The following SYN3 variants were observed in gnomAD, a reference collection of about 807,000 sequenced individuals.
SYN3 encodes the protein synapsin-3.
A neutral mutation model predicts 65.8 loss-of-function variants in SYN3; 35 were observed. That is an observed-to-expected ratio of 0.53 (90% CI 0.41 to 0.70). The LOEUF is 0.70. Ranked by LOEUF, SYN3 falls within the 30% of genes least tolerant of loss-of-function variation. The pLI, the probability that SYN3 is intolerant of heterozygous loss-of-function variation, is 0.00. For synonymous variants in SYN3, 270 were observed against 292.9 expected, an observed-to-expected ratio of 0.92 and a Z score of 0.80; for missense variants, 680 against 749.0, an observed-to-expected ratio of 0.91 and a Z score of 1.08.
At chr22:32,524,055 AAAG>A (rs1466385743) in intron 12 of SYN3, among the ~76,000 whole-genome samples, 4 of 152,258 alleles carry the variant, frequency 2.6e-5, no homozygotes, top group African/African-American at 9.6e-5. Context: ...TGAGAAAGCT[AAAG>A]AAGAAAAGTT....
intron 6 of SYN3, among the ~76,000 whole-genome samples, chr22:32,680,964 A>G (rs1168465804): frequency 6.6e-6 from 1 of 152,196 alleles, no homozygotes; most frequent in Non-Finnish European, 1.5e-5. Context: ...CCTTCTCCAC[A>G]TATCTTCACT....
At chr22:32,969,881 A>T (rs2051965387) in intron 3 of SYN3, among the ~76,000 whole-genome samples, 2 of 152,240 alleles carry the variant, frequency 1.3e-5, no homozygotes, top group African/African-American at 4.8e-5. Flanking sequence ...ACAGGTGCCA[A>T]CTGAATGTTG....
At chr22:32,679,197 C>T (rs1390155761) in intron 6 of SYN3, among the ~76,000 whole-genome samples, 1 of 151,840 alleles carries the variant, frequency 6.6e-6, no homozygotes, top group Admixed American at 6.6e-5. Context: ...GGACTACAGG[C>T]ACCCACAACC....
intron 3 of SYN3, among the ~76,000 whole-genome samples, chr22:32,932,596 G>A (rs1194928890): frequency 6.6e-6 from 1 of 152,156 alleles, no homozygotes; most frequent in Non-Finnish European, 1.5e-5. Flanking sequence ...ATGTTTATGT[G>A]CCAGCTACAG....
intron 6 of SYN3, among the ~76,000 whole-genome samples, chr22:32,646,677 GA>G (rs900896643): frequency 2.0e-5 from 3 of 152,208 alleles, no homozygotes; most frequent in African/African-American, 7.2e-5. Context: ...TGCAAACTAT[GA>G]GTAAGGGTTT....
At chr22:32,542,953 C>T (rs1291355179) in intron 7 of SYN3, among the ~76,000 whole-genome samples, 1 of 152,262 alleles carries the variant, frequency 6.6e-6, no homozygotes, top group East Asian at 1.9e-4. Flanking sequence ...TTCCCTGTCA[C>T]CCTCACCCCG....
chr22:32,931,342 C>T, intron 4 of SYN3, 48 bp downstream of exon 4: 1 of 1,286,346 alleles, frequency 7.8e-7, no homozygotes, highest in Non-Finnish European at 1.1e-6. Flanking sequence ...ACATGAGGTT[C>T]CACGTATGCA....
At chr22:32,921,815 G>T (rs555562048) in intron 4 of SYN3, among the ~76,000 whole-genome samples, 105 of 152,240 alleles carry the variant, frequency 6.9e-4, no homozygotes, top group Admixed American at 2.0e-3. Flanking sequence ...CTATGAGGAG[G>T]TATTGTTATT....
chr22:32,935,323 C>T (rs1429420555), intron 3 of SYN3, among the ~76,000 whole-genome samples: 1 of 148,436 alleles, frequency 6.7e-6, no homozygotes, highest in African/African-American at 2.4e-5. Flanking sequence ...CACACACACA[C>T]AAAATAACAA....
At chr22:32,648,813 T>A (rs1169256732) in intron 6 of SYN3, among the ~76,000 whole-genome samples, 1 of 152,162 alleles carries the variant, frequency 6.6e-6, no homozygotes, top group Admixed American at 6.5e-5. Flanking sequence ...CAATTATGAT[T>A]TTTGTTGTTG....
At chr22:32,540,890 C>T (rs1190453750) in intron 8 of SYN3, among the ~76,000 whole-genome samples, 1 of 152,172 alleles carries the variant, frequency 6.6e-6, no homozygotes, top group East Asian at 1.9e-4. Flanking sequence ...ATTCATTTAC[C>T]AGTAGGGATG....
chr22:32,916,128 T>C (rs760712930), intron 4 of SYN3, among the ~76,000 whole-genome samples: 20 of 152,160 alleles, frequency 1.3e-4, no homozygotes, highest in Admixed American at 2.0e-4. Flanking sequence ...GGAAGCTCAA[T>C]AGCCACGTGA....
intron 7 of SYN3, among the ~76,000 whole-genome samples, chr22:32,563,965 G>A (rs1457155547): frequency 2.6e-5 from 4 of 152,138 alleles, no homozygotes; most frequent in Non-Finnish European, 5.9e-5. Flanking sequence ...CACTGCGCCC[G>A]GCCCCTGTTG....
chr22:32,979,427 T>C (rs536688069), intron 3 of SYN3, among the ~76,000 whole-genome samples: 17 of 152,300 alleles, frequency 1.1e-4, no homozygotes, highest in African/African-American at 3.6e-4. Context: ...CAGAATCAAA[T>C]TGAAATTCAA....
rs201684492 is a variant in SYN3 at position 32,976,445 on chromosome 22, C to G, written c.369+4200G>C. Among the ~76,000 whole-genome samples the G allele has an allele frequency of 1.4e-4, 22 of 152,316 alleles. No homozygotes were observed. The East Asian group carries it at 4.2e-3, about 29-fold the overall frequency. ...AAAAATTAGAGACTGAGGCTCTACC[C>G]TAGCAAGTCCTAGTCCACTGATGTC... is the stretch of plus-strand genomic sequence containing the variant. On this transcript the variant is annotated intron_variant, in intron 3 of 13. Transcript: ENST00000358763.
intron 7 of SYN3, among the ~76,000 whole-genome samples, chr22:32,559,249 G>A (rs2058548583): frequency 6.6e-6 from 1 of 152,160 alleles, no homozygotes; most frequent in East Asian, 1.9e-4. Context: ...AATATTTATT[G>A]AGCCCCTACT....
chr22:32,743,957 C>T (rs575766657), intron 6 of SYN3, among the ~76,000 whole-genome samples: 2 of 152,214 alleles, frequency 1.3e-5, no homozygotes, highest in Admixed American at 6.5e-5. Context: ...CTACTACCTG[C>T]GTGATCTTGA....
intron 6 of SYN3, among the ~76,000 whole-genome samples, chr22:32,619,612 T>C (rs1226770868): frequency 6.6e-6 from 1 of 152,166 alleles, no homozygotes; most frequent in Non-Finnish European, 1.5e-5. Flanking sequence ...TCCCAACTCA[T>C]GTTAGGTTGA....
At chr22:32,760,990 T>C (rs2045463262) in intron 6 of SYN3, among the ~76,000 whole-genome samples, 1 of 152,164 alleles carries the variant, frequency 6.6e-6, no homozygotes. Context: ...CAACCTCCCA[T>C]TTCCAGTCTG....
Sources: allele counts gnomAD v4.1 joint callset (sites outside exome capture counted in the v4.1 genomes callset), GRCh38; gene constraint gnomAD v4.1.1; transcripts MANE v1.5; gene names NCBI Gene and HGNC (gene_info 2026-07-23, HGNC 2026-07-21).